CAST: variants seen among roughly 807,000 people sequenced by gnomAD.
The protein encoded by CAST is MIR583 host.
A neutral mutation model predicts 119.6 loss-of-function variants in CAST; 76 were observed. That is an observed-to-expected ratio of 0.64 (90% CI 0.53 to 0.77). CAST has a LOEUF of 0.77. Ranked by LOEUF, CAST falls within the 30% of genes least tolerant of loss-of-function variation. The pLI, the probability that CAST is intolerant of heterozygous loss-of-function variation, is 0.00. For synonymous variants in CAST, 319 were observed against 331.6 expected, an observed-to-expected ratio of 0.96 and a Z score of 0.41; for missense variants, 953 against 946.5, an observed-to-expected ratio of 1.01 and a Z score of -0.09.
chr5:96,203,395 T>C, the CAST span, among the ~76,000 whole-genome samples: 10 of 152,030 alleles, frequency 6.6e-5, no homozygotes, highest in African/African-American at 2.4e-4. Context: ...CTCAGAATAA[T>C]ATGTTCTTTT....
intron 24 of CAST, chr5:96,761,219 A>C (rs954592956): frequency 1.3e-5 from 2 of 152,216 alleles, no homozygotes; most frequent in African/African-American, 2.4e-5. Context: ...GGCTTAAATA[A>C]TAAGTCAATA....
At chr5:96,732,789 A>G (rs542720754) in intron 9 of CAST, among the ~76,000 whole-genome samples, 1 of 152,172 alleles carries the variant, frequency 6.6e-6, no homozygotes, top group Admixed American at 6.5e-5. Flanking sequence ...TCAATTCAAG[A>G]TGGATTAAAG....
chr5:96,389,281 A>G, the CAST span, among the ~76,000 whole-genome samples: 57,935 of 152,004 alleles, frequency 0.38, 11,292 homozygotes, highest in Admixed American at 0.45. Context: ...GAAAAAAGGT[A>G]ACTGAGAGAA....
the CAST span, among the ~76,000 whole-genome samples, chr5:96,471,446 C>T: frequency 6.6e-6 from 1 of 152,216 alleles, no homozygotes; most frequent in South Asian, 2.1e-4. Flanking sequence ...GAGGAGTTTG[C>T]ATAACATGAA....
the CAST span, among the ~76,000 whole-genome samples, chr5:96,472,224 C>T: frequency 6.6e-6 from 1 of 152,150 alleles, no homozygotes; most frequent in Admixed American, 6.5e-5. Flanking sequence ...ATAAGATACA[C>T]ACAATTGTGG....
At chr5:96,555,767 C>G (rs982036927) in intron 1 of CAST, among the ~76,000 whole-genome samples, 3 of 152,212 alleles carry the variant, frequency 2.0e-5, no homozygotes, top group African/African-American at 7.2e-5. Context: ...CTCAAGGAGG[C>G]CTGCCTGCCT....
the CAST span, among the ~76,000 whole-genome samples, chr5:96,413,690 C>G: frequency 6.1e-4 from 92 of 151,094 alleles, no homozygotes; most frequent in Non-Finnish European, 1.1e-3. Context: ...ATCCCAGCTA[C>G]TCAGGAGGCT....
At chr5:96,611,800 C>G (rs1272580566) in intron 1 of CAST, among the ~76,000 whole-genome samples, 1 of 152,028 alleles carries the variant, frequency 6.6e-6, no homozygotes, top group Admixed American at 6.5e-5. Flanking sequence ...ACAGACACTT[C>G]TCAAAAAAAG....
the CAST span, chr5:96,397,482 T>C: frequency 6.2e-7 from 1 of 1,609,348 alleles, no homozygotes; most frequent in African/African-American, 1.3e-5. Context: ...ATGAAACAAA[T>C]ACAAGTTAAT....
chr5:95,975,487 A>G, the CAST span, among the ~76,000 whole-genome samples: 8 of 152,298 alleles, frequency 5.3e-5, no homozygotes, highest in Admixed American at 3.3e-4. Context: ...TTCTCCTAAC[A>G]AAAACTATTA....
the CAST span, among the ~76,000 whole-genome samples, chr5:96,372,565 G>A: frequency 0.075 from 11,437 of 152,186 alleles, 1,375 homozygotes; most frequent in African/African-American, 0.25. Context: ...AATACCATGG[G>A]ACTTAGGCAG....
chr5:96,638,421 C>T (rs1481495153), intron 1 of CAST, among the ~76,000 whole-genome samples: 1 of 151,948 alleles, frequency 6.6e-6, no homozygotes, highest in Non-Finnish European at 1.5e-5. Flanking sequence ...AAACAAAAAA[C>T]AAACAAACAA....
At chr5:96,205,606 G>A in the CAST span, among the ~76,000 whole-genome samples, 2 of 152,018 alleles carry the variant, frequency 1.3e-5, no homozygotes, top group Non-Finnish European at 2.9e-5. Flanking sequence ...TTAGGAAAAT[G>A]GTCTCCTGCT....
At chr5:96,635,390 A>G (rs1002613851) in intron 1 of CAST, among the ~76,000 whole-genome samples, 1 of 152,192 alleles carries the variant, frequency 6.6e-6, no homozygotes, top group African/African-American at 2.4e-5. Flanking sequence ...GAAAGTCTAG[A>G]TACTCCTCTC....
the CAST span, among the ~76,000 whole-genome samples, chr5:96,408,509 C>G: frequency 6.6e-6 from 1 of 152,344 alleles, no homozygotes; most frequent in Non-Finnish European, 1.5e-5. Context: ...AGTTCACCCT[C>G]TATATGCAAC....
the CAST span, among the ~76,000 whole-genome samples, chr5:96,271,197 C>G: frequency 6.6e-6 from 1 of 151,940 alleles, no homozygotes; most frequent in Middle Eastern, 3.2e-3. Context: ...GTTAAAGTGA[C>G]AATACTATCC....
At chr5:96,109,559 T>A in the CAST span, among the ~76,000 whole-genome samples, 2 of 152,208 alleles carry the variant, frequency 1.3e-5, no homozygotes, top group East Asian at 3.8e-4. Flanking sequence ...TTTGGCAATC[T>A]TTTGGATTCA....
chr5:96,366,623 C>A, the CAST span, among the ~76,000 whole-genome samples: 1 of 152,216 alleles, frequency 6.6e-6, no homozygotes, highest in Non-Finnish European at 1.5e-5. Context: ...ATCGAATCAG[C>A]TACTGAAGCT....
intron 1 of CAST, among the ~76,000 whole-genome samples, chr5:96,549,232 C>G (rs147512003): frequency 3.3e-5 from 5 of 152,118 alleles, no homozygotes; most frequent in African/African-American, 1.2e-4. Context: ...TGGTATGGAC[C>G]AAAATTTCGA....
Sources: allele counts gnomAD v4.1 joint callset (sites outside exome capture counted in the v4.1 genomes callset), GRCh38; gene constraint gnomAD v4.1.1; transcripts MANE v1.5; gene names NCBI Gene and HGNC (gene_info 2026-07-23, HGNC 2026-07-21).